APOLD1: variants seen among roughly 807,000 people sequenced by gnomAD.
APOLD1 encodes apolipoprotein L domain-containing protein 1.
APOLD1 carries 22 observed loss-of-function variants against 15.3 expected under a neutral mutation model. The ratio of observed to expected loss-of-function variants is 1.44; its 90% CI spans 1.03 to 2.05. The LOEUF (loss-of-function observed/expected upper bound fraction) is 2.05, where lower values mean the gene tolerates loss of function less well. APOLD1 is among the 30% of genes most tolerant of loss of function. APOLD1 has a pLI of 0.00. For synonymous variants in APOLD1, 190 were observed against 167.4 expected (o/e 1.13, Z -1.04); for missense variants, 394 against 353.5 (o/e 1.11, Z -0.92).
intron 1 of APOLD1, among the ~76,000 whole-genome samples, chr12:12,755,870 A>G (rs1946854205): frequency 6.6e-6 from 1 of 152,178 alleles, no homozygotes; most frequent in South Asian, 2.1e-4. Flanking sequence ...CATAAAACCT[A>G]AAAAACTGCA....
intron 1 of APOLD1, among the ~76,000 whole-genome samples, chr12:12,727,600 A>AT (rs755304228): frequency 6.6e-5 from 10 of 151,270 alleles, no homozygotes; most frequent in African/African-American, 2.4e-4. Flanking sequence ...TTATTTATTT[A>AT]TTCTTCTTCT....
At chr12:12,746,499 A>AT in intron 1 of APOLD1, among the ~76,000 whole-genome samples, 1 of 149,278 alleles carries the variant, frequency 6.7e-6, no homozygotes, top group Non-Finnish European at 1.5e-5. Context: ...TCCATCTCAA[A>AT]TAAATAAATA....
rs749523120 is a variant in APOLD1, at chr12:12,787,676, C to T, written c.*24C>T. On this transcript the variant is annotated 3_prime_UTR_variant, in exon 2 of 2. Transcript: ENST00000356591. This position sits in a 1 kb window ranked among gnomAD's most constrained non-coding sequence, Gnocchi z 4.9. ...GAGAACATCCTTTCCCCCTAATGAC[C>T]GAGGCCAGCAAATCATCCTCATGGG... 1.2e-5 allele frequency: 19 copies of T among 1,552,868 alleles called. No homozygotes were observed. The highest frequency in any genetic ancestry group is 1.6e-5 in the Non-Finnish European group (18 of 1,154,444).
In APOLD1 at chr12:12,787,512, G is replaced by A; in HGVS notation, c.607G>A (p.Ala203Thr). 3 of 1,614,052 alleles carry A rather than the reference G, an allele frequency of 1.9e-6. No homozygotes were observed. Among genetic ancestry groups the A allele is most frequent in the Non-Finnish European group, 2.5e-6 (3 of 1,180,046 alleles). Residue 203 changes from alanine (A) to threonine (T), a missense_variant, in exon 2 of 2, where the codon GCC becomes ACC. Ala to Thr is a moderately conservative substitution (Grantham distance 58). Transcript: ENST00000356591. This position sits in a 1 kb window ranked among gnomAD's most constrained non-coding sequence, Gnocchi z 4.9. ...GCTGAAGGCCAAGATTCAGAAACTGGCCGAGAGCCTGGAGTCCTGCACCGG... is the reference window on the plus strand; with the variant it reads ...GCTGAAGGCCAAGATTCAGAAACTGACCGAGAGCCTGGAGTCCTGCACCGG... Reference protein sequence around the residue: ...AVLKAKIQKLAESLESCTGAL... With the variant: ...AVLKAKIQKLTESLESCTGAL...
chr12:12,761,830 TAGAGAGAGAG>T (rs6144616), intron 1 of APOLD1, among the ~76,000 whole-genome samples: 3,768 of 114,566 alleles, frequency 0.033, 256 homozygotes, highest in African/African-American at 0.12. Flanking sequence ...TGTATATGTA[TAGAGAGAGAG>T]AGAGAGAGAG....
chr12:12,745,641 A>C (rs1040132931), intron 1 of APOLD1, among the ~76,000 whole-genome samples: 4 of 152,140 alleles, frequency 2.6e-5, no homozygotes, highest in African/African-American at 9.7e-5. Context: ...TATTGCGTGT[A>C]GTGTAACATT....
chr12:12,728,436 C>T (rs982505982), intron 1 of APOLD1, among the ~76,000 whole-genome samples: 4 of 151,920 alleles, frequency 2.6e-5, no homozygotes, highest in South Asian at 4.2e-4. Context: ...GAGGCTGAGG[C>T]GGGCAGATCG....
At position 12,730,026 on chromosome 12, in the gene APOLD1, TTGTGTGTGTGTGTG is replaced by T. The variant is rs749843349; in HGVS notation, c.96+3969_96+3982del. Among the ~76,000 whole-genome samples the T allele has an allele frequency of 2.0e-3, 234 of 117,790 alleles. 1 individual carries two copies. Among genetic ancestry groups the T allele is most frequent in the Middle Eastern group, 4.1e-3 (1 of 246 alleles). 77.3% of individuals were successfully genotyped at this position (117,790 alleles called of 152,430 possible). A position where few individuals can be genotyped will look rare whatever the true frequency, so the allele number is the denominator to read the frequency against. ...TGCACACCACCATGCCCAGCTAACT[TTGTGTGTGTGTGTG>T]TGTGTGTGTGTGTGTGTGTGTGTGT... On this transcript the variant is annotated intron_variant, in intron 1 of 1. Transcript: ENST00000326765.
intron 1 of APOLD1, among the ~76,000 whole-genome samples, chr12:12,743,999 T>G (rs1946745722): frequency 6.6e-6 from 1 of 152,062 alleles, no homozygotes. Context: ...GTTAGACTTC[T>G]AGCACACAGT....
chr12:12,748,783 G>A (rs1224712002), intron 1 of APOLD1, among the ~76,000 whole-genome samples: 2 of 152,162 alleles, frequency 1.3e-5, no homozygotes, highest in Non-Finnish European at 2.9e-5. Context: ...TTGCAGCACT[G>A]CAGTGCAGGC....
rs1947180514 is a variant in APOLD1, at chr12:12,790,880, C to A, written c.*3228C>A. The A allele has an allele frequency of 6.6e-6, 1 of 152,164 alleles. No individual in the cohort carries two copies. The highest frequency in any genetic ancestry group is 1.5e-5 in the Non-Finnish European group (1 of 68,024). The allele number at this position is 152,164 out of a possible 1,614,324, so 9.4% of individuals were successfully genotyped here. On this transcript the variant is annotated 3_prime_UTR_variant, in exon 2 of 2. Transcript: ENST00000356591. ...GAATAAGGCTTTTCCTTAAGGCCTTCATTCTTTAAACAAACAGGTTGAAAT... is the reference window on the plus strand; with the variant it reads ...GAATAAGGCTTTTCCTTAAGGCCTTAATTCTTTAAACAAACAGGTTGAAAT...
At chr12:12,755,080 C>T (rs1946847059) in intron 1 of APOLD1, among the ~76,000 whole-genome samples, 1 of 151,836 alleles carries the variant, frequency 6.6e-6, no homozygotes, top group Non-Finnish European at 1.5e-5. Context: ...GTTATTAAAA[C>T]AGTGTGATAT....
At chr12:12,731,209 T>C (rs1946639254) in intron 1 of APOLD1, among the ~76,000 whole-genome samples, 1 of 152,200 alleles carries the variant, frequency 6.6e-6, no homozygotes, top group Non-Finnish European at 1.5e-5. Flanking sequence ...TTTTGTCTTC[T>C]CCCAGTAACC....
At chr12:12,774,571 A>AAAAG (rs1400014895) in intron 1 of APOLD1, among the ~76,000 whole-genome samples, 2 of 114,226 alleles carry the variant, frequency 1.8e-5, no homozygotes, top group African/African-American at 5.9e-5. Flanking sequence ...AAAAAAAAAA[A>AAAAG]AAAGAAAGAA....
rs1592312694 is a variant in APOLD1 at position 12,788,390 on chromosome 12, C to G, written c.*738C>G. On this transcript the variant is annotated 3_prime_UTR_variant, in exon 2 of 2. Transcript: ENST00000356591. The stretch of plus-strand genomic sequence containing the variant: ...TGGAGCGACTGCCAACTTCATTTCC[C>G]GACATCATTGTGTTCAGAAGAGAGT... 6.6e-6 allele frequency: 1 copy of G among 152,362 alleles called. No individual in the cohort carries two copies. Among genetic ancestry groups the G allele is most frequent in the East Asian group, 1.9e-4 (1 of 5,182 alleles). 9.4% of individuals were successfully genotyped at this position (152,362 alleles called of 1,614,324 possible).
chr12:12,762,934 T>C (rs1946912673), intron 1 of APOLD1, among the ~76,000 whole-genome samples: 1 of 152,064 alleles, frequency 6.6e-6, no homozygotes, highest in African/African-American at 2.4e-5. Context: ...TTTCTTGATC[T>C]CAGGAGTTGA....
chr12:12,757,944 T>G (rs1946868302), intron 1 of APOLD1, among the ~76,000 whole-genome samples: 1 of 148,032 alleles, frequency 6.8e-6, no homozygotes, highest in Non-Finnish European at 1.5e-5. Context: ...TATCTTTTTT[T>G]TTTTTTTTTT....
At chr12:12,768,135 T>C (rs1262198831) in intron 1 of APOLD1, among the ~76,000 whole-genome samples, 1 of 152,120 alleles carries the variant, frequency 6.6e-6, no homozygotes, top group Non-Finnish European at 1.5e-5. Flanking sequence ...TTTTGGTATC[T>C]GTGGGGAGTC....
intron 1 of APOLD1, chr12:12,726,398 G>A (rs540039398): frequency 8.5e-6 from 4 of 470,206 alleles, no homozygotes; most frequent in South Asian, 3.7e-5. Flanking sequence ...TTGATAAAGC[G>A]TGTGTACGTT....
Sources: allele counts gnomAD v4.1 joint callset (sites outside exome capture counted in the v4.1 genomes callset), GRCh38; gene constraint gnomAD v4.1.1; non-coding constraint Gnocchi (gnomAD v3.1); transcripts MANE v1.5; gene names NCBI Gene and HGNC (gene_info 2026-07-23, HGNC 2026-07-21).